Variants in JAKMIP2 observed in about 807,000 individuals in gnomAD.
JAKMIP2 encodes the protein janus kinase and microtubule interacting protein 2.
JAKMIP2 carries 25 observed loss-of-function variants against 115.0 expected under a neutral mutation model. The ratio of observed to expected loss-of-function variants is 0.22; its 90% CI spans 0.16 to 0.30. The LOEUF (loss-of-function observed/expected upper bound fraction) is 0.30. JAKMIP2 is among the 10% of genes least tolerant of loss of function. JAKMIP2 has a pLI of 1.00. For synonymous variants in JAKMIP2, 334 were observed against 343.6 expected (o/e 0.97, Z 0.31); for missense variants, 642 against 957.6 (o/e 0.67, Z 4.35).
intron 1 of JAKMIP2, among the ~76,000 whole-genome samples, chr5:147,770,303 A>C (rs1388152298): frequency 1.3e-5 from 2 of 152,062 alleles, no homozygotes; most frequent in African/African-American, 4.8e-5. Context: ...GTGACTCCAA[A>C]GGACTTCTGA....
intron 21 of JAKMIP2, among the ~76,000 whole-genome samples, chr5:147,596,171 T>C (rs1051168269): frequency 5.9e-5 from 9 of 151,940 alleles, no homozygotes; most frequent in South Asian, 2.1e-4. Context: ...CAGGGCTTTG[T>C]TGGCCAAGTT....
chr5:147,687,289 C>T (rs1012565818), intron 1 of JAKMIP2, among the ~76,000 whole-genome samples: 1 of 152,162 alleles, frequency 6.6e-6, no homozygotes. Context: ...CAGCCTTGAA[C>T]GTATGATTTA....
chr5:147,744,317 C>A (rs1014009232), intron 1 of JAKMIP2, among the ~76,000 whole-genome samples: 26 of 152,046 alleles, frequency 1.7e-4, no homozygotes, highest in Non-Finnish European at 1.5e-5. Flanking sequence ...AAGAAGCCAC[C>A]AGCTTCCACA....
At chr5:147,717,308 A>C (rs1211332067) in intron 1 of JAKMIP2, among the ~76,000 whole-genome samples, 9 of 144,172 alleles carry the variant, frequency 6.2e-5, no homozygotes, top group Non-Finnish European at 1.1e-4. Flanking sequence ...CTTTTGGCTT[A>C]GGATTGACTT....
chr5:147,602,455 A>G (rs1200799117), intron 20 of JAKMIP2, among the ~76,000 whole-genome samples: 2 of 152,184 alleles, frequency 1.3e-5, no homozygotes, highest in Non-Finnish European at 2.9e-5. Flanking sequence ...TGCTATTGGT[A>G]TAAAACCTGC....
At chr5:147,772,958 C>A (rs1755420684) in intron 1 of JAKMIP2, among the ~76,000 whole-genome samples, 1 of 152,032 alleles carries the variant, frequency 6.6e-6, no homozygotes, top group Non-Finnish European at 1.5e-5. Context: ...GAATTTAGGT[C>A]TTTTTCTCAT....
chr5:147,604,100 T>C (rs1755866566), intron 20 of JAKMIP2, among the ~76,000 whole-genome samples: 1 of 152,164 alleles, frequency 6.6e-6, no homozygotes, highest in Admixed American at 6.5e-5. Flanking sequence ...AGATATTAAG[T>C]GTGGTCTTTG....
Position 147,588,468 on chromosome 5 carries a change from A to G in JAKMIP2, c.*3239T>C, listed in dbSNP as rs144407825. ...CCATCCAAGGGAAGCATTCATTTAA[A>G]CACGGTCCATTTCCATGGATCCATG... is the stretch of plus-strand genomic sequence containing the variant. On this transcript the variant is annotated 3_prime_UTR_variant, in exon 22 of 22. Transcript: ENST00000616793. 2.0e-5 allele frequency: 3 copies of G among 151,746 alleles called. No individual in the cohort carries two copies. The East Asian group carries it at 5.9e-4, about 30-fold the overall frequency. 9.4% of individuals were successfully genotyped at this position (151,746 alleles called of 1,614,324 possible). A position where few individuals can be genotyped will look rare whatever the true frequency, so the allele number is the denominator to read the frequency against.
At chr5:147,611,982 T>A (rs111438698) in intron 20 of JAKMIP2, among the ~76,000 whole-genome samples, 10 of 152,010 alleles carry the variant, frequency 6.6e-5, no homozygotes, top group East Asian at 5.8e-4. Flanking sequence ...AAGATTTTTT[T>A]AAAAAAAGAG....
chr5:147,702,615 A>G (rs190470950), intron 1 of JAKMIP2, among the ~76,000 whole-genome samples: 4,733 of 64,164 alleles, frequency 0.074, 278 homozygotes, highest in African/African-American at 0.19. Context: ...AAAGAAAGAA[A>G]GAAAGAAAGA....
intron 1 of JAKMIP2, among the ~76,000 whole-genome samples, chr5:147,750,692 G>T (rs912234008): frequency 2.0e-5 from 3 of 152,004 alleles, no homozygotes; most frequent in Non-Finnish European, 2.9e-5. Flanking sequence ...CCTTAACCCC[G>T]ATCCCAACGT....
chr5:147,672,065 C>G (rs559503070), intron 1 of JAKMIP2, 111 bp from the exon 2 acceptor site: 58 of 605,240 alleles, frequency 9.6e-5, no homozygotes, highest in Non-Finnish European at 1.2e-4. Flanking sequence ...TGAGGCTCTC[C>G]TATCCTCAGT....
intron 11 of JAKMIP2, chr5:147,636,526 G>C (rs985965007): frequency 1.7e-6 from 1 of 584,942 alleles, no homozygotes; most frequent in African/African-American, 1.9e-5. Context: ...GAATAATCCA[G>C]GACCAGCCTT....
chr5:147,702,615 A>AGAAG (rs1561547421), intron 1 of JAKMIP2, among the ~76,000 whole-genome samples: 119 of 64,578 alleles, frequency 1.8e-3, no homozygotes, highest in African/African-American at 3.7e-3. Flanking sequence ...AAAGAAAGAA[A>AGAAG]GAAAGAAAGA....
intron 5 of JAKMIP2, among the ~76,000 whole-genome samples, chr5:147,647,958 A>G (rs528319086): frequency 1.3e-5 from 2 of 152,360 alleles, no homozygotes; most frequent in African/African-American, 4.8e-5. Flanking sequence ...AATACTATAG[A>G]GAAATGAAAA....
intron 1 of JAKMIP2, among the ~76,000 whole-genome samples, chr5:147,700,781 T>C (rs769351409): frequency 5.3e-5 from 8 of 152,218 alleles, no homozygotes; most frequent in Non-Finnish European, 1.2e-4. Flanking sequence ...TCTGGAATTT[T>C]AGTCCCCCTA....
At chr5:147,750,899 C>G (rs1246588381) in intron 1 of JAKMIP2, among the ~76,000 whole-genome samples, 1 of 149,116 alleles carries the variant, frequency 6.7e-6, no homozygotes, top group Non-Finnish European at 1.5e-5. Context: ...ACCTCGACAT[C>G]GGACTTCCAA....
intron 20 of JAKMIP2, among the ~76,000 whole-genome samples, chr5:147,606,055 T>G (rs1755995217): frequency 6.6e-6 from 1 of 152,250 alleles, no homozygotes; most frequent in Non-Finnish European, 1.5e-5. Flanking sequence ...TAAATTTGTT[T>G]AAGTTCCCTG....
chr5:147,756,656 G>A (rs1754755972), intron 1 of JAKMIP2, among the ~76,000 whole-genome samples: 3 of 152,100 alleles, frequency 2.0e-5, no homozygotes, highest in Admixed American at 1.3e-4. Flanking sequence ...AAAGGAGGGT[G>A]GATGGGTAGC....
Sources: gnomAD v4.1 joint callset for allele counts (sites outside exome capture counted in the v4.1 genomes callset) on GRCh38, gnomAD v4.1.1 for gene constraint, MANE v1.5 for transcripts, NCBI Gene and HGNC (gene_info 2026-07-23, HGNC 2026-07-21) for gene names.